The following RPS3 variants were observed in gnomAD, a reference collection of about 807,000 sequenced individuals.
RPS3 encodes the protein small ribosomal subunit protein uS3.
In RPS3, 2 loss-of-function variants were observed where a neutral mutation model predicts 25.8. The observed-to-expected ratio is 0.08, with a 90% confidence interval of 0.03 to 0.24. The LOEUF is 0.24. RPS3 is among the 10% of genes least tolerant of loss of function. RPS3 has a pLI of 1.00. For synonymous variants in RPS3, 114 were observed against 114.2 expected (o/e 1.00, Z 0.01); for missense variants, 107 against 307.1 (o/e 0.35, Z 4.87).
rs1948251683 is a variant in RPS3 at position 75,404,282 on chromosome 11, G to A, written c.538+75G>A. 4 of 1,374,966 alleles carry A rather than the reference G, an allele frequency of 2.9e-6. No homozygotes were observed. In the South Asian group the frequency reaches 5.0e-5, roughly 17 times the overall value. The allele number at this position is 1,374,966 out of a possible 1,614,324, so 85.2% of individuals were successfully genotyped here. A position where few individuals can be genotyped will look rare whatever the true frequency, so the allele number is the denominator to read the frequency against. On this transcript the variant is annotated intron_variant, in intron 5 of 6. Coordinates refer to ENST00000531188, the MANE Select transcript of RPS3 (RefSeq NM_001005.5). This position sits in a 1 kb window ranked among gnomAD's most constrained non-coding sequence, Gnocchi z 4.6. The stretch of plus-strand genomic sequence containing the variant: ...TTTCCACAGACATCTTAAGTATTTG[G>A]GGGAGTTTATCATGGAAGTAGCTGG...
chr11:75,420,903 G>A (rs1016436052), intron 6 of RPS3, among the ~76,000 whole-genome samples: 87 of 152,180 alleles, frequency 5.7e-4, no homozygotes, highest in African/African-American at 1.9e-3. Flanking sequence ...GCACGAAAGC[G>A]CACTGGAGGC....
chr11:75,400,682 TG>T lies in RPS3; in HGVS notation c.31-11del, dbSNP rs764290562. 19 of 1,610,600 alleles carry T rather than the reference TG, an allele frequency of 1.2e-5. No homozygotes were observed. The highest frequency in any genetic ancestry group is 1.4e-5 in the Non-Finnish European group (16 of 1,177,680). ...GATCTCCTAATTTTGAACTTTGCTT[TG>T]TTTGGATTAGTTTGTCGCTGATGGC... On this transcript the variant is annotated splice_polypyrimidine_tract_variant and intron_variant, in intron 1 of 6. Transcript: ENST00000531188.
rs569046367 is a variant in RPS3, at chr11:75,417,933, T to G, written c.*4-3794T>G. Among the ~76,000 whole-genome samples, 9 of 152,314 alleles carry G rather than the reference T, an allele frequency of 5.9e-5. No homozygotes were observed. In the South Asian group the frequency reaches 1.9e-3, roughly 32 times the overall value. On this transcript the variant is annotated intron_variant, in intron 6 of 6. Coordinates refer to the RPS3 transcript ENST00000527446. The stretch of plus-strand genomic sequence containing the variant: ...AGATCAGCTTACTACTGTGTGAGCA[T>G]TGGCCAAAATGACCAGGCTGCCCAG...
intron 1 of RPS3, 170 bp downstream of exon 1, chr11:75,399,747 C>T (rs1948176146): frequency 1.6e-6 from 1 of 608,214 alleles, no homozygotes; most frequent in South Asian, 2.0e-5. Context: ...AGGCCCCAGC[C>T]AGGAGGGCGC....
At chr11:75,417,415 A>G (rs552186117) in intron 6 of RPS3, among the ~76,000 whole-genome samples, 9 of 152,220 alleles carry the variant, frequency 5.9e-5, no homozygotes, top group East Asian at 1.9e-4. Context: ...CTAACACGGT[A>G]AAACCCCGTC....
At chr11:75,400,267 TTA>T (rs969710728) in intron 1 of RPS3, 3 of 436,040 alleles carry the variant, frequency 6.9e-6, no homozygotes, top group African/African-American at 2.0e-5. Flanking sequence ...GTGAGAGAGC[TTA>T]TATGTTAAGT....
chr11:75,412,578 T>C (rs1291498605), intron 6 of RPS3, among the ~76,000 whole-genome samples: 1 of 152,166 alleles, frequency 6.6e-6, no homozygotes, highest in Non-Finnish European at 1.5e-5. Context: ...CAGGGACTCC[T>C]GCCTCCACCC....
chr11:75,410,040 C>T (rs1340059632), downstream of RPS3, among the ~76,000 whole-genome samples: 21 of 133,492 alleles, frequency 1.6e-4, no homozygotes, highest in East Asian at 3.9e-3. Flanking sequence ...CCTCACCTCC[C>T]GGACGGGGCG....
intron 3 of RPS3, 106 bp from the exon 4 acceptor site, chr11:75,402,246 G>A (rs1289934019): frequency 6.4e-7 from 1 of 1,559,776 alleles, no homozygotes; most frequent in Middle Eastern, 1.7e-4. Flanking sequence ...CGTGGGTTGG[G>A]CAAGCTTGGT....
downstream of RPS3, among the ~76,000 whole-genome samples, chr11:75,411,660 G>C (rs1018038509): frequency 3.9e-5 from 6 of 152,210 alleles, no homozygotes; most frequent in African/African-American, 9.7e-5. Context: ...AAAGTGCTGG[G>C]ATTACAGGTG....
chr11:75,399,731 A>C, intron 1 of RPS3, 154 bp downstream of exon 1: 1 of 659,740 alleles, frequency 1.5e-6, no homozygotes, highest in South Asian at 1.9e-5. Flanking sequence ...CGGTGGATTG[A>C]GTGAGAGGCC....
At chr11:75,407,728 A>G (rs1371231671), downstream of RPS3, among the ~76,000 whole-genome samples, 4 of 149,190 alleles carry the variant, frequency 2.7e-5, no homozygotes, top group Non-Finnish European at 4.5e-5. Context: ...CGGCCCCTCA[A>G]AGTGCTGGGA....
In RPS3 at chr11:75,401,698, C is replaced by T; in HGVS notation, c.220C>T (p.Gln74Ter). 6.2e-7 allele frequency: 1 copy of T among 1,613,130 alleles called. No individual in the cohort carries two copies. The highest frequency in any genetic ancestry group is 8.5e-7 in the Non-Finnish European group (1 of 1,179,094). The change falls in exon 3 of 7, where the codon CAG becomes TAG. Residue 74 changes from glutamine to a stop codon, truncating the protein, a stop_gained. Coordinates refer to ENST00000531188, the MANE Select transcript of RPS3 (RefSeq NM_001005.5). LOFTEE classifies it high-confidence loss of function. ...GATTCGGGAACTGACTGCTGTAGTTCAGAAGAGGTTTGGCTTTCCAGAGGG... is the reference window on the plus strand; with the variant it reads ...GATTCGGGAACTGACTGCTGTAGTTTAGAAGAGGTTTGGCTTTCCAGAGGG... Reference protein sequence around the residue: ...RRIRELTAVVQKRFGFPEGSV... With the variant: ...RRIRELTAVV
chr11:75,417,816 G>C (rs1018243839), intron 6 of RPS3, among the ~76,000 whole-genome samples: 1 of 152,206 alleles, frequency 6.6e-6, no homozygotes, highest in South Asian at 2.1e-4. Flanking sequence ...AACTGCTGGT[G>C]GTGTGCCCCA....
rs150431794 is a variant in RPS3 at position 75,415,504 on chromosome 11, C to G, written c.*4-6223C>G. On this transcript the variant is annotated intron_variant, in intron 6 of 6. Transcript: ENST00000527446. Reference sequence around the variant, plus strand: ...CCTGGCCAACATGGTGAAACCCTGTCTCTACTAAAAATACAAAATTTAGCC... The same window carrying G: ...CCTGGCCAACATGGTGAAACCCTGTGTCTACTAAAAATACAAAATTTAGCC... 9.7e-3 allele frequency among the ~76,000 whole-genome samples: 1,469 copies of G among 152,172 alleles called. 25 individuals carry two copies. The highest frequency in any genetic ancestry group is 0.034 in the African/African-American group (1,394 of 41,504).
rs919834315 is a variant in RPS3, at chr11:75,404,237, C to T, written c.538+30C>T. 2.5e-6 allele frequency: 4 copies of T among 1,590,410 alleles called. No individual in the cohort carries two copies. In the Admixed American group the frequency reaches 5.1e-5, roughly 20 times the overall value. ...GCAGCTGAGAGTGCTTGGCAAAGGG[C>T]ATTTGTGGACAGATTTGGTTTTCCA... On this transcript the variant is annotated intron_variant, in intron 5 of 6. Transcript: ENST00000531188. This position sits in a 1 kb window ranked among gnomAD's most constrained non-coding sequence, Gnocchi z 4.6.
At chr11:75,408,456 G>A (rs545157782), downstream of RPS3, among the ~76,000 whole-genome samples, 46 of 152,012 alleles carry the variant, frequency 3.0e-4, no homozygotes, top group African/African-American at 1.0e-3. Context: ...CCCAACCTGG[G>A]TGACAGACCC....
At chr11:75,416,631 A>T (rs1352219558) in intron 6 of RPS3, among the ~76,000 whole-genome samples, 3 of 151,482 alleles carry the variant, frequency 2.0e-5, no homozygotes, top group Non-Finnish European at 4.4e-5. Flanking sequence ...GCTAATTTTT[A>T]ATTTTTAGTA....
chr11:75,403,814 C>A, intron 4 of RPS3: 1 of 525,280 alleles, frequency 1.9e-6, no homozygotes, highest in Non-Finnish European at 3.3e-6. Context: ...TTGGAAAGTA[C>A]ATATTTAGGA....
Sources: allele counts gnomAD v4.1 joint callset (sites outside exome capture counted in the v4.1 genomes callset), GRCh38; gene constraint gnomAD v4.1.1; non-coding constraint Gnocchi (gnomAD v3.1); transcripts MANE v1.5; gene names NCBI Gene and HGNC (gene_info 2026-07-23, HGNC 2026-07-21).